DIPK1C: variants seen among roughly 807,000 people sequenced by gnomAD.
DIPK1C encodes the protein divergent protein kinase domain 1C.
In DIPK1C, 33 loss-of-function variants were observed where a neutral mutation model predicts 28.0. The ratio of observed to expected loss-of-function variants is 1.18; its 90% CI spans 0.89 to 1.58. DIPK1C has a LOEUF of 1.58. Ranked by LOEUF, DIPK1C falls within the 40% of genes most tolerant of loss-of-function variation. The pLI, the probability that DIPK1C is intolerant of heterozygous loss-of-function variation, is 0.00. For synonymous variants in DIPK1C, 255 were observed against 248.8 expected, an observed-to-expected ratio of 1.02 and a Z score of -0.23; for missense variants, 569 against 568.5, an observed-to-expected ratio of 1.00 and a Z score of -0.01.
upstream of DIPK1C, among the ~76,000 whole-genome samples, chr18:74,462,299 G>A (rs2346058): frequency 0.5 from 75,893 of 151,956 alleles, 18,936 homozygotes; most frequent in East Asian, 0.6. Context: ...TCTACAGCTG[G>A]GGTTTTTTGG....
upstream of DIPK1C, among the ~76,000 whole-genome samples, chr18:74,458,256 C>A (rs1372595589): frequency 6.6e-6 from 1 of 152,170 alleles, no homozygotes; most frequent in African/African-American, 2.4e-5. Context: ...GTGAAAGCCG[C>A]CACGCCCGGG....
In DIPK1C at chr18:74,455,159, C is replaced by G. The variant is rs138824232; in HGVS notation, c.198+1903G>C. 2.0e-3 allele frequency among the ~76,000 whole-genome samples: 300 copies of G among 152,270 alleles called. 1 individual carries two copies. The highest frequency in any genetic ancestry group is 6.9e-3 in the African/African-American group (286 of 41,554). ...AAGATATATTGGTAAAGCCTCTAAACAGAATTGGTTTTAATTCATGACCTG... is the reference window on the plus strand; with the variant it reads ...AAGATATATTGGTAAAGCCTCTAAAGAGAATTGGTTTTAATTCATGACCTG... On this transcript the variant is annotated intron_variant, in intron 1 of 3. Transcript: ENST00000343998.
At chr18:74,445,633 G>A (rs539718713) in intron 2 of DIPK1C, among the ~76,000 whole-genome samples, 4 of 152,246 alleles carry the variant, frequency 2.6e-5, no homozygotes, top group South Asian at 2.1e-4. Context: ...TGAAGAGCAC[G>A]ACCCCACCAT....
intron 1 of DIPK1C, among the ~76,000 whole-genome samples, chr18:74,454,424 C>A: frequency 6.6e-6 from 1 of 152,334 alleles, no homozygotes; most frequent in Admixed American, 6.5e-5. Context: ...AGGCCAGCAA[C>A]GCCCCCCGCC....
upstream of DIPK1C, chr18:74,457,723 G>T (rs1296075933): frequency 2.3e-5 from 1 of 43,416 alleles, no homozygotes; most frequent in Non-Finnish European, 4.2e-5. Context: ...CTGCAGCGTT[G>T]TCCCCCCCCG....
At chr18:74,439,367 A>G (rs79579199) in intron 3 of DIPK1C, among the ~76,000 whole-genome samples, 2,942 of 152,270 alleles carry the variant, frequency 0.019, 109 homozygotes, top group African/African-American at 0.068. Context: ...TTCACTATGC[A>G]ACCCAGCTCT....
Position 74,446,893 on chromosome 18 carries a change from C to A in DIPK1C, c.589G>T (p.Val197Phe). 1 of 1,517,800 alleles carries A rather than the reference C, an allele frequency of 6.6e-7. No individual in the cohort carries two copies. The highest frequency in any genetic ancestry group is 8.9e-7 in the Non-Finnish European group (1 of 1,127,918). The allele number at this position is 1,517,800 out of a possible 1,614,324, so 94.0% of individuals were successfully genotyped here. ...LWALLQQEEY[V>F]YFSLLQDLSP... ...AGGTCCTGCAGCAGGCTGAAGTAGACGTACTCCTCCTGCTGCAGCAGGGCC... is the reference window on the plus strand; with the variant it reads ...AGGTCCTGCAGCAGGCTGAAGTAGAAGTACTCCTCCTGCTGCAGCAGGGCC... Residue 197 changes from valine (V) to phenylalanine (F), a missense_variant, in exon 2 of 4, where the codon GTC becomes TTC. By Grantham distance (50) the Val-to-Phe change is conservative (BLOSUM62 -1). Coordinates refer to ENST00000343998, the MANE Select transcript of DIPK1C (RefSeq NM_001044369.3).
In DIPK1C at chr18:74,447,027, G is replaced by T. The variant is rs1986284218; in HGVS notation, c.455C>A (p.Ala152Asp). Reference protein sequence around the residue: ...MPEAELLLMVAGEVKSALGLE... With the variant: ...MPEAELLLMVDGEVKSALGLE... ...GCCCAGAGCGCTCTTGACCTCCCCA[G>T]CCACCATCAGGAGGAGTTCGGCCTC... Residue 152 changes from alanine to aspartate, a missense_variant, in exon 2 of 4, where the codon GCT becomes GAT. By Grantham distance (126) the Ala-to-Asp change is moderately radical. Coordinates refer to ENST00000343998, the MANE Select transcript of DIPK1C (RefSeq NM_001044369.3). This position sits in a 1 kb window ranked among gnomAD's most constrained non-coding sequence, Gnocchi z 4.1. The T allele has an allele frequency of 6.5e-7, 1 of 1,547,362 alleles. No homozygotes were observed. The highest frequency in any genetic ancestry group is 2.0e-5 in the Admixed American group (1 of 50,782).
the DIPK1C span, among the ~76,000 whole-genome samples, chr18:74,464,234 A>T: frequency 6.6e-6 from 1 of 152,176 alleles, no homozygotes; most frequent in Admixed American, 6.5e-5. Context: ...ACTTTTGCTC[A>T]AACCCAGTAC....
At position 74,442,045 on chromosome 18, in the gene DIPK1C, T is replaced by C; in HGVS notation, c.948A>G (p.Thr316=). ...CAAAGAAATTGCAGTCTTCATCTCC[T>C]GTGCAGTTTTGCTCAAGGATTTCCC... ...KMREILEQNC[T]GDEDCNFFDC... The change falls in exon 3 of 4, where the codon ACA becomes ACG. Residue 316 remains threonine (T), a synonymous_variant. Transcript: ENST00000343998. 6.2e-7 allele frequency: 1 copy of C among 1,614,200 alleles called. No homozygotes were observed. The highest frequency in any genetic ancestry group is 8.5e-7 in the Non-Finnish European group (1 of 1,180,030).
intron 1 of DIPK1C, 37 bp downstream of exon 1, chr18:74,457,025 G>A: frequency 7.2e-7 from 1 of 1,386,880 alleles, no homozygotes; most frequent in Non-Finnish European, 9.3e-7. Context: ...CCCCTCCCCG[G>A]ACGCGCGGCG....
chr18:74,452,705 T>C (rs1459090752), intron 1 of DIPK1C, among the ~76,000 whole-genome samples: 2 of 152,100 alleles, frequency 1.3e-5, no homozygotes, highest in African/African-American at 4.8e-5. Context: ...CCACCCTGTC[T>C]CAAGAAAACA....
the DIPK1C span, among the ~76,000 whole-genome samples, chr18:74,463,092 G>A: frequency 6.6e-6 from 1 of 152,280 alleles, no homozygotes; most frequent in East Asian, 1.9e-4. Flanking sequence ...AACGTGGGGT[G>A]CCCCATCTTC....
rs754297531 is a variant in DIPK1C at position 74,447,394 on chromosome 18, T to A, written c.199-111A>T. 4.5e-6 allele frequency: 5 copies of A among 1,114,646 alleles called. No homozygotes were observed. The highest frequency in any genetic ancestry group is 6.2e-6 in the Non-Finnish European group (5 of 807,886). 69.0% of individuals were successfully genotyped at this position (1,114,646 alleles called of 1,614,324 possible). ...GCCTCTGCCCTCAGGACGCTGATAATCCAGCTGTGCAGAGAAACCTCAGCC... is the reference window on the plus strand; with the variant it reads ...GCCTCTGCCCTCAGGACGCTGATAAACCAGCTGTGCAGAGAAACCTCAGCC... On this transcript the variant is annotated intron_variant, in intron 1 of 3. Transcript: ENST00000343998. The surrounding 1 kb of genome is among the most constrained non-coding windows in gnomAD (Gnocchi z 4.1).
At chr18:74,461,428 G>C (rs1404902256), upstream of DIPK1C, among the ~76,000 whole-genome samples, 5 of 142,414 alleles carry the variant, frequency 3.5e-5, no homozygotes, top group Non-Finnish European at 3.0e-5. Flanking sequence ...TTTGAGACAG[G>C]GTCTCGCTCT....
chr18:74,448,402 G>T (rs538948664), intron 1 of DIPK1C, among the ~76,000 whole-genome samples: 1 of 152,300 alleles, frequency 6.6e-6, no homozygotes, highest in East Asian at 1.9e-4. Flanking sequence ...TCCCAAAGCT[G>T]TTGTTCTCAC....
intron 1 of DIPK1C, among the ~76,000 whole-genome samples, chr18:74,449,004 G>C (rs1005146088): frequency 9.2e-5 from 14 of 152,266 alleles, no homozygotes; most frequent in Admixed American, 2.6e-4. Flanking sequence ...AGCTACTAGG[G>C]AGGCTGAGGC....
chr18:74,464,084 C>G, the DIPK1C span, among the ~76,000 whole-genome samples: 1 of 152,178 alleles, frequency 6.6e-6, no homozygotes, highest in Non-Finnish European at 1.5e-5. Context: ...CTCCCTCACC[C>G]CCTTTAATCT....
chr18:74,446,579 A>G (rs759199668), intron 2 of DIPK1C, 27 bp downstream of exon 2: 241 of 1,429,784 alleles, frequency 1.7e-4, no homozygotes, highest in Non-Finnish European at 2.2e-4. Context: ...TTCTCTGCAC[A>G]TAAACACACC....
Sources: gnomAD v4.1 joint callset for allele counts (sites outside exome capture counted in the v4.1 genomes callset) on GRCh38, gnomAD v4.1.1 for gene constraint, Gnocchi (gnomAD v3.1) non-coding constraint, MANE v1.5 for transcripts, NCBI Gene and HGNC (gene_info 2026-07-23, HGNC 2026-07-21) for gene names.